Variants in IGSF21 observed in about 807,000 individuals in gnomAD.
IGSF21 encodes the protein immunoglobin superfamily member 21.
Under a neutral mutation model 46.8 loss-of-function variants are expected in IGSF21, and 28 were observed. The ratio of observed to expected loss-of-function variants is 0.60; its 90% CI spans 0.44 to 0.82. The LOEUF (loss-of-function observed/expected upper bound fraction) is 0.82, where lower values mean the gene tolerates loss of function less well. Among genes scored for constraint, IGSF21 ranks in the 40% least tolerant of loss-of-function variants. IGSF21 has a pLI of 0.00. For synonymous variants in IGSF21, 284 were observed against 273.6 expected, an observed-to-expected ratio of 1.04 and a Z score of -0.38; for missense variants, 624 against 665.5, an observed-to-expected ratio of 0.94 and a Z score of 0.69.
At chr1:18,319,977 A>C (rs1206210869) in intron 3 of IGSF21, among the ~76,000 whole-genome samples, 4 of 152,206 alleles carry the variant, frequency 2.6e-5, no homozygotes, top group Admixed American at 6.5e-5. Context: ...TATCCCTAGC[A>C]CCTAGGATAG....
intron 6 of IGSF21, among the ~76,000 whole-genome samples, chr1:18,373,675 A>G (rs987599000): frequency 2.0e-5 from 3 of 152,052 alleles, no homozygotes; most frequent in Non-Finnish European, 4.4e-5. Flanking sequence ...GAAGGCACCC[A>G]TCTCTGCCCC....
intron 1 of IGSF21, chr1:18,167,814 CAA>C (rs2086694081): frequency 6.6e-6 from 1 of 152,164 alleles, no homozygotes; most frequent in African/African-American, 2.4e-5. Context: ...TTCCCCACAG[CAA>C]GTGCAGTTGT....
intron 6 of IGSF21, among the ~76,000 whole-genome samples, chr1:18,370,506 C>T (rs1005785928): frequency 1.4e-4 from 21 of 152,292 alleles, no homozygotes; most frequent in African/African-American, 5.1e-4. Context: ...GCCTCTAGAA[C>T]AAAACATAGC....
intron 6 of IGSF21, among the ~76,000 whole-genome samples, chr1:18,372,822 T>TTGGATGGATGGATGGA (rs562780101): frequency 9.1e-6 from 1 of 110,454 alleles, no homozygotes; most frequent in Non-Finnish European, 1.9e-5. Context: ...GGATGGATAT[T>TTGGATGGATGGATGGA]TGGATGGATG....
At chr1:18,332,097 C>G (rs886484049) in intron 3 of IGSF21, among the ~76,000 whole-genome samples, 5 of 152,232 alleles carry the variant, frequency 3.3e-5, no homozygotes, top group African/African-American at 1.2e-4. Flanking sequence ...ATGTCACCTA[C>G]ATGTGTCACC....
chr1:18,232,703 A>C (rs1301248603), intron 2 of IGSF21, among the ~76,000 whole-genome samples: 1 of 152,192 alleles, frequency 6.6e-6, no homozygotes. Flanking sequence ...TGACTATCTG[A>C]AGAGCAAAGA....
intron 2 of IGSF21, among the ~76,000 whole-genome samples, chr1:18,264,715 G>C (rs145175820): frequency 6.6e-6 from 1 of 152,192 alleles, no homozygotes; most frequent in Non-Finnish European, 1.5e-5. Flanking sequence ...CATTGAATTT[G>C]ACCTAAACCT....
At chr1:18,271,337 A>G (rs1369163980) in intron 2 of IGSF21, among the ~76,000 whole-genome samples, 1 of 152,204 alleles carries the variant, frequency 6.6e-6, no homozygotes, top group African/African-American at 2.4e-5. Flanking sequence ...TAAGGTGATC[A>G]GCTCATTTTG....
intron 1 of IGSF21, among the ~76,000 whole-genome samples, chr1:18,164,451 A>G (rs1019754204): frequency 6.7e-6 from 1 of 149,880 alleles, no homozygotes; most frequent in African/African-American, 2.5e-5. Context: ...CTTTCTTTCA[A>G]TCGGATATTG....
chr1:18,257,908 C>T (rs1281948310), intron 2 of IGSF21, among the ~76,000 whole-genome samples: 3 of 152,170 alleles, frequency 2.0e-5, no homozygotes, highest in Non-Finnish European at 4.4e-5. Flanking sequence ...CTGAGAGCCC[C>T]GTGGGCAAGG....
At chr1:18,190,043 C>T (rs1034875936) in intron 1 of IGSF21, among the ~76,000 whole-genome samples, 1 of 152,178 alleles carries the variant, frequency 6.6e-6, no homozygotes, top group African/African-American at 2.4e-5. Context: ...ACCCTCAGCC[C>T]TCTTCCTGGA....
At chr1:18,250,328 G>C (rs1333212002) in intron 2 of IGSF21, among the ~76,000 whole-genome samples, 1 of 151,950 alleles carries the variant, frequency 6.6e-6, no homozygotes, top group Non-Finnish European at 1.5e-5. Flanking sequence ...GCCAAGGGCT[G>C]AATGAAGAGA....
chr1:18,179,815 T>C (rs530776642), intron 1 of IGSF21, among the ~76,000 whole-genome samples: 1 of 152,280 alleles, frequency 6.6e-6, no homozygotes, highest in Admixed American at 6.5e-5. Flanking sequence ...GTAAGAATCA[T>C]CAATTTCTAT....
intron 2 of IGSF21, among the ~76,000 whole-genome samples, chr1:18,268,675 C>T (rs1015910481): frequency 3.3e-5 from 5 of 152,192 alleles, no homozygotes; most frequent in Admixed American, 2.6e-4. Context: ...TTTGTCAGAA[C>T]TTGCAAAACA....
intron 2 of IGSF21, among the ~76,000 whole-genome samples, chr1:18,272,122 C>T (rs1001268822): frequency 5.9e-5 from 9 of 152,142 alleles, no homozygotes; most frequent in Non-Finnish European, 1.2e-4. Context: ...GGCAAGTCTT[C>T]CATGGCAGCA....
intron 3 of IGSF21, among the ~76,000 whole-genome samples, chr1:18,311,485 C>G (rs1208764349): frequency 6.6e-6 from 1 of 152,212 alleles, no homozygotes; most frequent in Admixed American, 6.5e-5. Context: ...AGCGGCGGAG[C>G]TGGTCTTTGA....
rs2086286027 is a variant in IGSF21, at chr1:18,376,840, T to G, written c.1142T>G (p.Val381Gly). Residue 381 changes from valine to glycine, a missense_variant, in exon 8 of 10, where the codon GTT becomes GGT. Coordinates refer to ENST00000251296, the MANE Select transcript of IGSF21 (RefSeq NM_032880.5). ...GAGCCCATGTTCACGTGGACGCGGG[T>G]TGGGAGCCGCCTCCTGGACGGCAGC... The part of the protein sequence containing the change: ...FPEPMFTWTR[V>G]GSRLLDGSAE... 6.2e-7 allele frequency: 1 copy of G among 1,607,212 alleles called. No homozygotes were observed. The highest frequency in any genetic ancestry group is 8.5e-7 in the Non-Finnish European group (1 of 1,174,622).
At chr1:18,307,402 T>C (rs890440817) in intron 3 of IGSF21, among the ~76,000 whole-genome samples, 4 of 152,236 alleles carry the variant, frequency 2.6e-5, no homozygotes, top group Admixed American at 6.5e-5. Context: ...TGCCCTGCTC[T>C]GCTCTAAGAA....
intron 1 of IGSF21, among the ~76,000 whole-genome samples, chr1:18,196,153 A>T (rs1252092246): frequency 6.6e-6 from 1 of 152,118 alleles, no homozygotes; most frequent in Non-Finnish European, 1.5e-5. Context: ...GGATTTGAAG[A>T]GTTTAATCAG....
Sources: allele counts gnomAD v4.1 joint callset (sites outside exome capture counted in the v4.1 genomes callset), GRCh38; gene constraint gnomAD v4.1.1; transcripts MANE v1.5; gene names NCBI Gene and HGNC (gene_info 2026-07-23, HGNC 2026-07-21).